Variants in C11orf65 observed in about 807,000 individuals in gnomAD.
C11orf65 encodes the protein protein MFI.
C11orf65 carries 38 observed loss-of-function variants against 35.3 expected under a neutral mutation model. The ratio of observed to expected loss-of-function variants is 1.08; its 90% CI spans 0.83 to 1.41. The LOEUF is 1.41. Ranked by LOEUF, C11orf65 falls within the 40% of genes most tolerant of loss-of-function variation. C11orf65 has a pLI of 0.00. For missense variants in C11orf65, 370 were observed against 367.1 expected (o/e 1.01, Z -0.06); for synonymous variants, 105 against 114.4 (o/e 0.92, Z 0.53).
At chr11:108,366,567 CT>C (rs2091343180) in intron 2 of C11orf65, 1 of 229,720 alleles carries the variant, frequency 4.4e-6, no homozygotes, top group Non-Finnish European at 8.6e-6. Flanking sequence ...TTCAGCAAGG[CT>C]TTATCTATGG....
chr11:108,394,909 T>G (rs1471411029), intron 6 of C11orf65, among the ~76,000 whole-genome samples: 1 of 151,954 alleles, frequency 6.6e-6, no homozygotes, highest in Non-Finnish European at 1.5e-5. Context: ...GGCAGGAGGA[T>G]CACTTGAAGC....
chr11:108,446,972 G>A (rs1242740290), intron 2 of C11orf65, among the ~76,000 whole-genome samples: 2 of 152,154 alleles, frequency 1.3e-5, no homozygotes, highest in East Asian at 1.9e-4. Flanking sequence ...AAAAAGGCAG[G>A]GGTTGCAATC....
intron 6 of C11orf65, among the ~76,000 whole-genome samples, chr11:108,320,841 C>T (rs1044631035): frequency 2.0e-5 from 3 of 152,106 alleles, no homozygotes; most frequent in Admixed American, 6.5e-5. Flanking sequence ...TAACCAGAAG[C>T]CTTACCAATA....
At chr11:108,315,981 C>G (rs1275433918) in intron 6 of C11orf65, 6 of 1,612,038 alleles carry the variant, frequency 3.7e-6, no homozygotes, top group Non-Finnish European at 5.1e-6. Flanking sequence ...GTGTAAAACC[C>G]AAAGCTATTT....
intron 3 of C11orf65, among the ~76,000 whole-genome samples, chr11:108,413,328 G>A (rs1203038452): frequency 2.0e-5 from 3 of 151,846 alleles, no homozygotes; most frequent in Admixed American, 6.6e-5. Flanking sequence ...ATTTCCCATC[G>A]TCCACTTCCC....
At chr11:108,411,492 A>G (rs370499015) in intron 3 of C11orf65, among the ~76,000 whole-genome samples, 17 of 152,316 alleles carry the variant, frequency 1.1e-4, no homozygotes, top group Non-Finnish European at 2.4e-4. Flanking sequence ...CGTTCTCTCT[A>G]TATATCAATT....
intron 6 of C11orf65, chr11:108,317,348 TAAAAA>T: frequency 6.2e-7 from 1 of 1,605,750 alleles, no homozygotes; most frequent in South Asian, 1.1e-5. Context: ...TTACTTAACT[TAAAAA>T]CAAAATAACT....
intron 2 of C11orf65, among the ~76,000 whole-genome samples, chr11:108,344,039 C>T (rs2087956584): frequency 6.6e-6 from 1 of 152,206 alleles, no homozygotes; most frequent in African/African-American, 2.4e-5. Context: ...GTTCAGAGAA[C>T]TTGCCCAAGG....
intron 6 of C11orf65, among the ~76,000 whole-genome samples, chr11:108,398,332 G>A (rs1168330604): frequency 6.6e-6 from 1 of 152,144 alleles, no homozygotes; most frequent in Non-Finnish European, 1.5e-5. Context: ...ATTACATGTA[G>A]GCACTAAAAG....
chr11:108,399,846 A>G (rs2092404656), intron 6 of C11orf65, among the ~76,000 whole-genome samples: 1 of 152,242 alleles, frequency 6.6e-6, no homozygotes, highest in East Asian at 1.9e-4. Flanking sequence ...AGTCTCTACC[A>G]GGACCAATTG....
intron 1 of C11orf65, among the ~76,000 whole-genome samples, chr11:108,465,363 G>A (rs981213563): frequency 6.6e-6 from 1 of 152,138 alleles, no homozygotes; most frequent in Admixed American, 6.6e-5. Context: ...ACAAAATATA[G>A]AGGAAATATA....
At chr11:108,407,877 A>T (rs1354239521) in intron 3 of C11orf65, among the ~76,000 whole-genome samples, 1 of 145,006 alleles carries the variant, frequency 6.9e-6, no homozygotes, top group South Asian at 2.2e-4. Context: ...GTTTGCAGTG[A>T]GCCAAGATCG....
intron 6 of C11orf65, among the ~76,000 whole-genome samples, chr11:108,315,010 T>A (rs1436140389): frequency 6.6e-6 from 1 of 152,228 alleles, no homozygotes; most frequent in Non-Finnish European, 1.5e-5. Context: ...ATGGCATGAC[T>A]TTTCTCTGCA....
chr11:108,366,277 T>C (rs2091325286), intron 2 of C11orf65: 1 of 205,990 alleles, frequency 4.9e-6, no homozygotes, highest in Non-Finnish European at 9.9e-6. Context: ...ATGAATTCTC[T>C]TGTCAGATGT....
At chr11:108,327,315 G>C, downstream of C11orf65, 1 of 285,670 alleles carries the variant, frequency 3.5e-6, no homozygotes, top group Non-Finnish European at 6.8e-6. Flanking sequence ...CTGCAAATTG[G>C]GGTAATAATA....
intron 2 of C11orf65, among the ~76,000 whole-genome samples, chr11:108,353,130 A>C (rs1314033911): frequency 6.6e-6 from 1 of 152,152 alleles, no homozygotes; most frequent in Non-Finnish European, 1.5e-5. Flanking sequence ...AAGTGAACAT[A>C]TAATTATCTC....
downstream of C11orf65, among the ~76,000 whole-genome samples, chr11:108,328,481 A>G (rs1370142044): frequency 6.6e-6 from 1 of 152,080 alleles, no homozygotes; most frequent in East Asian, 1.9e-4. Context: ...CCTGACCTCA[A>G]GTGATCCACC....
chr11:108,345,593 T>C lies in C11orf65; in HGVS notation c.227-10301A>G, dbSNP rs2088231133. ...GGGATTATCACTTGTAATTAATTGC[T>C]TCCCTGTCCAGACTGTTAGCTTCTT... On this transcript the variant is annotated intron_variant, in intron 2 of 3. Coordinates refer to the C11orf65 transcript ENST00000524755. 12 of 636,982 alleles carry C rather than the reference T, an allele frequency of 1.9e-5. 1 individual carries two copies. In the South Asian group the frequency reaches 3.1e-4, roughly 17 times the overall value. The allele number at this position is 636,982 out of a possible 1,614,324, so 39.5% of individuals were successfully genotyped here.
chr11:108,316,118 A>AT lies in C11orf65; in HGVS notation c.641-7048dup, dbSNP rs2136133315. 6.2e-7 allele frequency: 1 copy of AT among 1,613,118 alleles called. No homozygotes were observed. Among genetic ancestry groups the AT allele is most frequent in the East Asian group, 2.2e-5 (1 of 44,852 alleles). On this transcript the variant is annotated intron_variant, in intron 6 of 6. Transcript: ENST00000525729. ...CGCCAGGCAGGAATCATTCAGGTAC[A>AT]TTTTTTCCCAGATTTGGTAAAGCCA...
Sources: allele counts gnomAD v4.1 joint callset (sites outside exome capture counted in the v4.1 genomes callset), GRCh38; gene constraint gnomAD v4.1.1; transcripts MANE v1.5; gene names NCBI Gene and HGNC (gene_info 2026-07-23, HGNC 2026-07-21).